Variants in LMO7 observed in about 807,000 individuals in gnomAD.
The protein encoded by LMO7 is LIM domain 7.
LMO7 carries 120 observed loss-of-function variants against 206.5 expected under a neutral mutation model. The ratio of observed to expected loss-of-function variants is 0.58; its 90% CI spans 0.50 to 0.68. The LOEUF (loss-of-function observed/expected upper bound fraction) is 0.68, where lower values mean the gene tolerates loss of function less well. Ranked by LOEUF, LMO7 falls within the 30% of genes least tolerant of loss-of-function variation. The probability of loss-of-function intolerance (pLI) is 0.00; values close to 1 mark genes in which losing one functional copy is unlikely to be tolerated. For missense variants in LMO7, 1,959 were observed against 1,957.9 expected (o/e 1.00, Z -0.01); for synonymous variants, 706 against 681.5 (o/e 1.04, Z -0.56).
chr13:75,696,965 C>G (rs2041950952), intron 1 of LMO7, among the ~76,000 whole-genome samples: 1 of 152,066 alleles, frequency 6.6e-6, no homozygotes, highest in Non-Finnish European at 1.5e-5. Context: ...TTAAAGGAAG[C>G]TGGTGATCCA....
intron 2 of LMO7, among the ~76,000 whole-genome samples, chr13:75,722,290 G>A (rs9600534): frequency 0.015 from 2,217 of 152,218 alleles, 52 homozygotes; most frequent in African/African-American, 0.049. Context: ...GAAAATCTTT[G>A]CAATCTATAC....
rs2139246993 is a variant in LMO7, at chr13:75,841,899, AGGAGCAGAAGCGTCCTGCGG to A, written c.3948_3967del (p.Glu1317GlyfsTer24). 6.2e-7 allele frequency: 1 copy of A among 1,613,848 alleles called. No homozygotes were observed. The highest frequency in any genetic ancestry group is 2.2e-5 in the East Asian group (1 of 44,894). ...CAAAAGCGGCTTCAGGCTGAGGCTG[AGGAGCAGAAGCGTCCTGCGG>A]AGGAGCAGAAGCGCCAGGCAGAGAT... On this transcript the variant is annotated frameshift_variant, in exon 24 of 31. Coordinates refer to ENST00000377534, the MANE Select transcript of LMO7 (RefSeq NM_001306080.2). LOFTEE classifies it high-confidence loss of function.
rs771519338 is a variant in LMO7, at chr13:75,841,959, C to T, written c.4007C>T (p.Ser1336Leu). Residue 1336 changes from serine (S) to leucine (L), a missense_variant, in exon 24 of 31, where the codon TCA becomes TTA. By Grantham distance (145) the Ser-to-Leu change is moderately radical. Coordinates refer to ENST00000377534, the MANE Select transcript of LMO7 (RefSeq NM_001306080.2). ...KRQAEIERET[S>L]VRIYQYRRPV... ...CAGGCAGAGATAGAGCGGGAAACAT[C>T]AGTCAGAATATACCAGTACAGGAGG... The T allele has an allele frequency of 2.5e-6, 4 of 1,611,870 alleles. No individual in the cohort carries two copies. The Admixed American group carries it at 6.7e-5, about 27-fold the overall frequency.
rs1237375889 is a variant in LMO7, at chr13:75,808,240, G to GCAAAA, written c.1916+41_1916+42insCAAAA. The GCAAAA allele has an allele frequency of 5.2e-6, 8 of 1,537,938 alleles. No individual in the cohort carries two copies. The African/African-American group carries it at 9.7e-5, about 19-fold the overall frequency. On this transcript the variant is annotated intron_variant, in intron 10 of 30. Transcript: ENST00000377534. The stretch of plus-strand genomic sequence containing the variant: ...TGCAAGGATTTTGCTTGTAATGGAT[G>GCAAAA]GTCTTGTGTAACTTTTCTCATGCGA...
intron 28 of LMO7, among the ~76,000 whole-genome samples, chr13:75,854,041 T>C (rs1595557907): frequency 2.0e-5 from 3 of 151,990 alleles, no homozygotes; most frequent in African/African-American, 7.3e-5. Flanking sequence ...TATGATAGGG[T>C]GTTATGTTTT....
intron 2 of LMO7, among the ~76,000 whole-genome samples, chr13:75,626,595 A>ATATATATATATATATATATTTTTTTTTT: frequency 1.4e-5 from 1 of 71,096 alleles, no homozygotes; most frequent in Non-Finnish European, 3.6e-5. Flanking sequence ...ATATATATAA[A>ATATATATATATATATATATTTTTTTTTT]TTTTTTTGAG....
intron 15 of LMO7, among the ~76,000 whole-genome samples, chr13:75,824,784 A>T (rs1369543760): frequency 6.6e-6 from 1 of 152,090 alleles, no homozygotes; most frequent in Non-Finnish European, 1.5e-5. Context: ...GTATGTGTAT[A>T]TATATGACTT....
intron 1 of LMO7, among the ~76,000 whole-genome samples, chr13:75,701,839 G>A (rs2042303910): frequency 6.6e-6 from 1 of 152,164 alleles, no homozygotes; most frequent in Non-Finnish European, 1.5e-5. Flanking sequence ...TGTGTTTTCG[G>A]TGAACTTACC....
chr13:75,719,607 T>A (rs944892886), intron 2 of LMO7, among the ~76,000 whole-genome samples: 1 of 152,206 alleles, frequency 6.6e-6, no homozygotes, highest in African/African-American at 2.4e-5. Context: ...CTTCACTTGC[T>A]GTCTGTCCTT....
In LMO7 at chr13:75,726,090, G is replaced by A. The variant is rs151195969; in HGVS notation, c.141-939G>A. ...GCTTTCTTTTTGGAGCTCTGTTACA[G>A]CCTAAAAAATTAGTTCTTGTGGATG... On this transcript the variant is annotated intron_variant, in intron 2 of 30. Transcript: ENST00000377534. 3.8e-4 allele frequency among the ~76,000 whole-genome samples: 57 copies of A among 151,586 alleles called. No homozygotes were observed. The East Asian group carries it at 0.01, about 28-fold the overall frequency.
At chr13:75,719,226 C>G (rs181166734) in intron 2 of LMO7, among the ~76,000 whole-genome samples, 1 of 148,986 alleles carries the variant, frequency 6.7e-6, no homozygotes, top group African/African-American at 2.5e-5. Context: ...GTGATCTGTC[C>G]GCCTTGGCCT....
chr13:75,647,701 A>T (rs2037157169), intron 1 of LMO7, among the ~76,000 whole-genome samples: 1 of 152,204 alleles, frequency 6.6e-6, no homozygotes, highest in South Asian at 2.1e-4. Flanking sequence ...AGAAATAAAA[A>T]AAAATAGAAA....
At chr13:75,733,431 A>G (rs2045476148) in intron 3 of LMO7, among the ~76,000 whole-genome samples, 1 of 152,202 alleles carries the variant, frequency 6.6e-6, no homozygotes, top group South Asian at 2.1e-4. Context: ...CCTCCGAGCC[A>G]GGTGTGGGAT....
intron 30 of LMO7, chr13:75,856,948 G>T: frequency 6.1e-6 from 1 of 164,902 alleles, no homozygotes; most frequent in Non-Finnish European, 1.3e-5. Context: ...CTTCTATGTA[G>T]GATTTGTTTC....
intron 1 of LMO7, among the ~76,000 whole-genome samples, chr13:75,699,698 C>A (rs1000485679): frequency 1.5e-4 from 23 of 152,236 alleles, no homozygotes; most frequent in African/African-American, 4.8e-4. Flanking sequence ...CAAATGGGGG[C>A]AGAGCAAGAT....
intron 1 of LMO7, among the ~76,000 whole-genome samples, chr13:75,692,770 A>G (rs2041597570): frequency 1.3e-5 from 2 of 152,192 alleles, no homozygotes; most frequent in Admixed American, 1.3e-4. Context: ...GTGCCTTCTC[A>G]GTCAATGTCT....
rs760437651 is a variant in LMO7 at position 75,807,938 on chromosome 13, A to G, written c.1655A>G (p.Glu552Gly). 4.3e-6 allele frequency: 7 copies of G among 1,614,016 alleles called. No homozygotes were observed. The South Asian group carries it at 4.4e-5, about 10-fold the overall frequency. The change falls in exon 10 of 31, where the codon GAA becomes GGA. Residue 552 changes from glutamate (E) to glycine (G), a missense_variant. Physicochemically the swap from Glu to Gly is moderately conservative, Grantham distance 98. Transcript: ENST00000377534. ...CCCGAACCCTGGACTCTTCCTCCAG[A>G]AATTCAAGCAAAATTTCTCTGTGTA... is the stretch of plus-strand genomic sequence containing the variant. The part of the protein sequence containing the change: ...PFPEPWTLPP[E>G]IQAKFLCVLE...
chr13:75,654,621 T>C (rs1185759741), intron 1 of LMO7, among the ~76,000 whole-genome samples: 1 of 152,150 alleles, frequency 6.6e-6, no homozygotes, highest in Non-Finnish European at 1.5e-5. Context: ...CATTTTCCTC[T>C]GCATCTCTCT....
chr13:75,689,681 C>T (rs1009236810), intron 1 of LMO7, among the ~76,000 whole-genome samples: 10 of 152,204 alleles, frequency 6.6e-5, no homozygotes, highest in Admixed American at 6.5e-4. Context: ...CATCTTTCTC[C>T]TGTGCCAGAT....
Sources: gnomAD v4.1 joint callset for allele counts (sites outside exome capture counted in the v4.1 genomes callset) on GRCh38, gnomAD v4.1.1 for gene constraint, MANE v1.5 for transcripts, NCBI Gene and HGNC (gene_info 2026-07-23, HGNC 2026-07-21) for gene names.